TENM3: variants seen among roughly 807,000 people sequenced by gnomAD.
TENM3 encodes teneurin transmembrane protein 3.
Under a neutral mutation model 255.1 loss-of-function variants are expected in TENM3, and 63 were observed. That is an observed-to-expected ratio of 0.25 (90% CI 0.20 to 0.30). TENM3 has a LOEUF of 0.30. Among genes scored for constraint, TENM3 ranks in the 10% least tolerant of loss-of-function variants. TENM3 has a pLI of 1.00. For missense variants in TENM3, 2,929 were observed against 3,461.1 expected, an observed-to-expected ratio of 0.85 and a Z score of 3.86; for synonymous variants, 1,306 against 1,322.3, an observed-to-expected ratio of 0.99 and a Z score of 0.27.
chr4:182,145,341 G>C (rs926714104), intron 1 of TENM3: 1 of 152,236 alleles, frequency 6.6e-6, no homozygotes, highest in African/African-American at 2.4e-5. Flanking sequence ...AAACTTGATC[G>C]GGAAACTCTG....
chr4:182,713,680 G>A (rs753183376), intron 12 of TENM3, among the ~76,000 whole-genome samples: 1 of 152,168 alleles, frequency 6.6e-6, no homozygotes, highest in African/African-American at 2.4e-5. Flanking sequence ...AAGAAGGCAT[G>A]TCTTGATAAA....
At position 182,573,677 on chromosome 4, in the gene TENM3, AGGTG is replaced by A. The variant is rs200782997; in HGVS notation, c.512-27243_512-27240del. Among the ~76,000 whole-genome samples the A allele has an allele frequency of 2.2e-3, 337 of 152,328 alleles. 2 individuals are homozygous for A. Among genetic ancestry groups the A allele is most frequent in the East Asian group, 0.01 (54 of 5,188 alleles). On this transcript the variant is annotated intron_variant, in intron 3 of 27. Coordinates refer to ENST00000511685, the MANE Select transcript of TENM3 (RefSeq NM_001080477.4). ...TCTGAACAGTTTCTGAAGGATTTGAAGGTGGGTACTAGAGAGACAGAGAAAAGGG... is the reference window on the plus strand; with the variant it reads ...TCTGAACAGTTTCTGAAGGATTTGAAGGTACTAGAGAGACAGAGAAAAGGG...
the TENM3 span, among the ~76,000 whole-genome samples, chr4:182,036,032 G>A: frequency 5.3e-5 from 8 of 151,968 alleles, no homozygotes; most frequent in African/African-American, 1.9e-4. Context: ...CTCCATCCCA[G>A]CATCTCACTC....
chr4:181,542,818 A>C, the TENM3 span, among the ~76,000 whole-genome samples: 14,399 of 152,160 alleles, frequency 0.095, 874 homozygotes, highest in South Asian at 0.15. Flanking sequence ...ATATCTCCGC[A>C]TGTTAGAGTT....
chr4:181,942,154 C>T, the TENM3 span, among the ~76,000 whole-genome samples: 4,074 of 152,142 alleles, frequency 0.027, 141 homozygotes, highest in African/African-American at 0.079. Flanking sequence ...TGCGTGCCAA[C>T]TGGCACCAAT....
At chr4:182,354,350 A>G (rs1765383436) in intron 3 of TENM3, among the ~76,000 whole-genome samples, 1 of 152,230 alleles carries the variant, frequency 6.6e-6, no homozygotes, top group South Asian at 2.1e-4. Flanking sequence ...GATATCCTTG[A>G]AAAATCACAG....
At chr4:181,632,633 T>C in the TENM3 span, among the ~76,000 whole-genome samples, 2 of 152,202 alleles carry the variant, frequency 1.3e-5, no homozygotes, top group African/African-American at 4.8e-5. Context: ...CTTGATCTTC[T>C]TCCTGGGATC....
intron 22 of TENM3, among the ~76,000 whole-genome samples, chr4:182,769,554 C>T (rs190234185): frequency 2.3e-4 from 35 of 151,600 alleles, no homozygotes; most frequent in East Asian, 5.8e-4. Flanking sequence ...GAGGCCGAGG[C>T]GGGAGGATCA....
At chr4:181,784,067 G>C in the TENM3 span, among the ~76,000 whole-genome samples, 1 of 151,882 alleles carries the variant, frequency 6.6e-6, no homozygotes, top group African/African-American at 2.4e-5. Context: ...TTATTCTATT[G>C]CTCTGGCTAG....
At chr4:182,323,165 G>A (rs1190220960) in intron 1 of TENM3, among the ~76,000 whole-genome samples, 3 of 152,054 alleles carry the variant, frequency 2.0e-5, no homozygotes, top group Non-Finnish European at 2.9e-5. Context: ...AGGAAATAGA[G>A]AGTTTTTAAG....
chr4:181,483,404 T>C, the TENM3 span, among the ~76,000 whole-genome samples: 1,393 of 152,274 alleles, frequency 9.1e-3, 9 homozygotes, highest in Non-Finnish European at 0.015. Context: ...AAAATCGTAG[T>C]CATTCTGTGG....
Position 182,199,918 on chromosome 4 carries a change from G to A in TENM3, c.-76+55164G>A, listed in dbSNP as rs180859088. Among the ~76,000 whole-genome samples the A allele has an allele frequency of 2.6e-3, 399 of 151,884 alleles. 1 individual carries two copies. The highest frequency in any genetic ancestry group is 4.3e-3 in the Admixed American group (66 of 15,248). ...GTATTTGTACTTTTTGTAGAGACAG[G>A]GTTTCGCCATGTTGCCCAGGCTGGA... On this transcript the variant is annotated intron_variant, in intron 1 of 2. Transcript: ENST00000512480.
intron 1 of TENM3, among the ~76,000 whole-genome samples, chr4:182,218,181 G>A (rs997192764): frequency 5.9e-5 from 9 of 152,114 alleles, no homozygotes; most frequent in African/African-American, 1.2e-4. Flanking sequence ...ACCTGACCCC[G>A]GAGTCCATGT....
chr4:181,644,763 C>A, the TENM3 span, among the ~76,000 whole-genome samples: 2 of 152,034 alleles, frequency 1.3e-5, no homozygotes, highest in South Asian at 4.2e-4. Context: ...AGTTCAGGAA[C>A]TGACTCCACC....
chr4:182,474,635 A>G, intron 3 of TENM3, among the ~76,000 whole-genome samples: 1 of 152,176 alleles, frequency 6.6e-6, no homozygotes, highest in South Asian at 2.1e-4. Context: ...GAGGTTTAAA[A>G]GACCTGTTAA....
At chr4:181,824,945 C>T in the TENM3 span, among the ~76,000 whole-genome samples, 3 of 152,094 alleles carry the variant, frequency 2.0e-5, no homozygotes, top group Non-Finnish European at 4.4e-5. Flanking sequence ...TCAGTCACTG[C>T]GCACATCAAG....
intron 1 of TENM3, among the ~76,000 whole-genome samples, chr4:182,202,811 C>A (rs1290989332): frequency 6.6e-6 from 1 of 152,174 alleles, no homozygotes; most frequent in South Asian, 2.1e-4. Context: ...TCCAGAGAAC[C>A]TGTGCCTGTA....
chr4:182,111,918 A>G, the TENM3 span, among the ~76,000 whole-genome samples: 2 of 152,160 alleles, frequency 1.3e-5, no homozygotes, highest in Non-Finnish European at 2.9e-5. Context: ...ACATTTTCTC[A>G]GTTCTTAAAG....
At position 182,561,461 on chromosome 4, in the gene TENM3, A is replaced by C. The variant is rs185919452; in HGVS notation, c.512-39463A>C. Among the ~76,000 whole-genome samples the C allele has an allele frequency of 7.7e-3, 1,161 of 151,542 alleles. 16 individuals are homozygous for C. The highest frequency in any genetic ancestry group is 9.5e-3 in the Non-Finnish European group (644 of 67,808). ...ATTTGTATATTAAAAAAAAAAGGAA[A>C]GAAACAAACCAAATTTTCCCTGGGT... On this transcript the variant is annotated intron_variant, in intron 3 of 27. Coordinates refer to ENST00000511685, the MANE Select transcript of TENM3 (RefSeq NM_001080477.4).
Sources: allele counts gnomAD v4.1 joint callset (sites outside exome capture counted in the v4.1 genomes callset), GRCh38; gene constraint gnomAD v4.1.1; transcripts MANE v1.5; gene names NCBI Gene and HGNC (gene_info 2026-07-23, HGNC 2026-07-21).